The following GRK5 variants were observed in gnomAD, a reference collection of about 807,000 sequenced individuals.
GRK5 encodes g protein-coupled receptor kinase GRK5.
GRK5 carries 40 observed loss-of-function variants against 78.4 expected under a neutral mutation model. The observed-to-expected ratio is 0.51, with a 90% CI of 0.40 to 0.66. The LOEUF (loss-of-function observed/expected upper bound fraction) is 0.66. Ranked by LOEUF, GRK5 falls within the 30% of genes least tolerant of loss-of-function variation. The probability of loss-of-function intolerance (pLI) is 0.00; values close to 1 mark genes in which losing one functional copy is unlikely to be tolerated. For missense variants in GRK5, 598 were observed against 759.9 expected, an observed-to-expected ratio of 0.79 and a Z score of 2.50; for synonymous variants, 289 against 296.8, an observed-to-expected ratio of 0.97 and a Z score of 0.27.
intron 1 of GRK5, among the ~76,000 whole-genome samples, chr10:119,215,592 A>G (rs1363602132): frequency 6.7e-6 from 1 of 148,684 alleles, no homozygotes; most frequent in Non-Finnish European, 1.5e-5. Context: ...GGACTGACTC[A>G]CCTAAGAGGA....
chr10:119,453,334 C>A, intron 15 of GRK5, 58 bp downstream of exon 15: 1 of 1,601,238 alleles, frequency 6.2e-7, no homozygotes, highest in Non-Finnish European at 8.5e-7. Context: ...TGGCTCACTT[C>A]CATGGGAAAC....
At chr10:119,295,707 G>GA (rs138760533) in intron 1 of GRK5, among the ~76,000 whole-genome samples, 19,922 of 151,942 alleles carry the variant, frequency 0.13, 1,359 homozygotes, top group Middle Eastern at 0.18. Context: ...CTCAGGAATG[G>GA]AAAACCAAAC....
intron 2 of GRK5, among the ~76,000 whole-genome samples, chr10:119,344,169 A>T (rs76560587): frequency 1.3e-3 from 187 of 138,718 alleles, no homozygotes; most frequent in African/African-American, 4.9e-3. Flanking sequence ...TTTTTTCAGT[A>T]TTTTTATTTT....
intron 1 of GRK5, among the ~76,000 whole-genome samples, chr10:119,216,546 C>T (rs1173971383): frequency 2.0e-5 from 3 of 152,186 alleles, no homozygotes; most frequent in East Asian, 1.9e-4. Flanking sequence ...CAGTGGCTCA[C>T]GCCTGTAATC....
chr10:119,353,833 A>G (rs1457778409), intron 2 of GRK5, among the ~76,000 whole-genome samples: 2 of 152,004 alleles, frequency 1.3e-5, no homozygotes, highest in East Asian at 3.9e-4. Context: ...CTGTTTGGAA[A>G]TGTCTTTTTT....
In GRK5 at chr10:119,434,213, A is replaced by G. The variant is rs191601661; in HGVS notation, c.739-2438A>G. ...ATTTGGGTGGGGACACAGCCCAACC[A>G]TATCATTCTGCCCCTGGCCCCTCCC... On this transcript the variant is annotated intron_variant, in intron 8 of 15. Coordinates refer to ENST00000392870, the MANE Select transcript of GRK5 (RefSeq NM_005308.3). Among the ~76,000 whole-genome samples, 22 of 152,250 alleles carry G rather than the reference A, an allele frequency of 1.4e-4. No homozygotes were observed. The East Asian group carries it at 4.3e-3, about 29-fold the overall frequency.
Position 119,412,502 on chromosome 10 carries a change from C to T in GRK5, c.340-10664C>T, listed in dbSNP as rs568235300. On this transcript the variant is annotated intron_variant, in intron 4 of 15. Transcript: ENST00000392870. The surrounding 1 kb of genome is among the most constrained non-coding windows in gnomAD (Gnocchi z 4.3). ...TGGCCGGACTGATTTATTTTTCTCC[C>T]CAGTGACCCCGAAAACCAAACCCTG... 5.9e-5 allele frequency among the ~76,000 whole-genome samples: 9 copies of T among 152,304 alleles called. No homozygotes were observed. Among genetic ancestry groups the T allele is most frequent in the African/African-American group, 2.2e-4 (9 of 41,562 alleles).
At chr10:119,229,378 G>A (rs1382855449) in intron 1 of GRK5, among the ~76,000 whole-genome samples, 1 of 152,186 alleles carries the variant, frequency 6.6e-6, no homozygotes, top group Non-Finnish European at 1.5e-5. Context: ...TTGACAAGCT[G>A]GGCAGTTGAT....
intron 2 of GRK5, among the ~76,000 whole-genome samples, chr10:119,374,407 A>G (rs1264249757): frequency 6.6e-6 from 1 of 152,176 alleles, no homozygotes; most frequent in Admixed American, 6.5e-5. Context: ...GCTAAGAGGC[A>G]AGCGAGGTCT....
At chr10:119,265,443 G>A (rs1354592942) in intron 1 of GRK5, among the ~76,000 whole-genome samples, 1 of 152,172 alleles carries the variant, frequency 6.6e-6, no homozygotes, top group Non-Finnish European at 1.5e-5. Flanking sequence ...GTTAAGATGA[G>A]GTCATGAGGA....
intron 3 of GRK5, among the ~76,000 whole-genome samples, chr10:119,392,946 G>A (rs1211615420): frequency 6.6e-6 from 1 of 152,250 alleles, no homozygotes; most frequent in East Asian, 1.9e-4. Context: ...TGCTGGTTAA[G>A]CTGGTTTAAG....
At chr10:119,394,510 T>TGG (rs1851984336) in intron 3 of GRK5, among the ~76,000 whole-genome samples, 1 of 9,640 alleles carries the variant, frequency 1.0e-4, no homozygotes, top group African/African-American at 4.5e-4. Flanking sequence ...TGTGGGCACG[T>TGG]GTGTGTGGGT....
At chr10:119,389,550 C>T (rs765179723) in intron 3 of GRK5, among the ~76,000 whole-genome samples, 1 of 152,136 alleles carries the variant, frequency 6.6e-6, no homozygotes, top group Non-Finnish European at 1.5e-5. Flanking sequence ...GTGCCCCACC[C>T]GCATTCCCAA....
intron 1 of GRK5, among the ~76,000 whole-genome samples, chr10:119,278,942 G>C (rs901665384): frequency 3.3e-5 from 5 of 152,134 alleles, no homozygotes; most frequent in Admixed American, 3.3e-4. Context: ...CAGTGGTGCA[G>C]TCTTGGCTCA....
chr10:119,415,739 G>A (rs1852436747), intron 4 of GRK5, among the ~76,000 whole-genome samples: 1 of 152,166 alleles, frequency 6.6e-6, no homozygotes, highest in African/African-American at 2.4e-5. Flanking sequence ...CCTTCCTAGA[G>A]GGCTGGCTCA....
chr10:119,394,239 GGTGTCT>G (rs1238058205), intron 3 of GRK5, among the ~76,000 whole-genome samples: 15 of 40,510 alleles, frequency 3.7e-4, no homozygotes, highest in South Asian at 1.0e-3. Flanking sequence ...TGGGTGTGTG[GGTGTCT>G]GTGTGTGGAT....
chr10:119,306,404 T>G (rs1034682387), intron 1 of GRK5, among the ~76,000 whole-genome samples: 1 of 152,170 alleles, frequency 6.6e-6, no homozygotes, highest in Non-Finnish European at 1.5e-5. Flanking sequence ...CATGTGCGCT[T>G]CTTCTAGGAT....
chr10:119,275,503 A>G (rs1317950393), intron 1 of GRK5, among the ~76,000 whole-genome samples: 1 of 152,076 alleles, frequency 6.6e-6, no homozygotes, highest in Non-Finnish European at 1.5e-5. Flanking sequence ...ACATACAGTG[A>G]ACCCTTTATT....
At chr10:119,424,282 C>G (rs1852628965) in intron 5 of GRK5, among the ~76,000 whole-genome samples, 1 of 152,112 alleles carries the variant, frequency 6.6e-6, no homozygotes, top group African/African-American at 2.4e-5. Context: ...TGCCATAGTC[C>G]CCTCCCTTCC....
Sources: allele counts gnomAD v4.1 joint callset (sites outside exome capture counted in the v4.1 genomes callset), GRCh38; gene constraint gnomAD v4.1.1; non-coding constraint Gnocchi (gnomAD v3.1); transcripts MANE v1.5; gene names NCBI Gene and HGNC (gene_info 2026-07-23, HGNC 2026-07-21).